AP1B1: variants seen among roughly 807,000 people sequenced by gnomAD.
The protein encoded by AP1B1 is AP-1 complex subunit beta-1.
A neutral mutation model predicts 104.3 loss-of-function variants in AP1B1; 36 were observed. The observed-to-expected ratio is 0.35, with a 90% CI of 0.26 to 0.46. The LOEUF (loss-of-function observed/expected upper bound fraction) is 0.46. Among genes scored for constraint, AP1B1 ranks in the 20% least tolerant of loss-of-function variants. AP1B1 has a pLI of 1.00. For synonymous variants in AP1B1, 504 were observed against 517.5 expected (o/e 0.97, Z 0.35); for missense variants, 901 against 1,247.9 (o/e 0.72, Z 4.19).
intron 3 of AP1B1, among the ~76,000 whole-genome samples, chr22:29,361,561 C>A (rs1279367246): frequency 2.6e-5 from 4 of 152,124 alleles, no homozygotes; most frequent in Non-Finnish European, 5.9e-5. Flanking sequence ...ACTGAGAAAA[C>A]AAATCTCAAA....
In AP1B1 at chr22:29,339,775, C is replaced by A; in HGVS notation, c.1999-1G>T. 6.2e-7 allele frequency: 1 copy of A among 1,607,920 alleles called. No homozygotes were observed. The highest frequency in any genetic ancestry group is 1.1e-5 in the South Asian group (1 of 89,976). On this transcript the variant is annotated splice_acceptor_variant, in intron 14 of 22. Transcript: ENST00000357586. LOFTEE classifies it high-confidence loss of function. ...ATACCCCTTCAGGCTCATCCCCCATCTCCAAGCAGAAGCAGGCAGGTGAAG... is the reference window on the plus strand; with the variant it reads ...ATACCCCTTCAGGCTCATCCCCCATATCCAAGCAGAAGCAGGCAGGTGAAG...
chr22:29,355,484 T>G lies in AP1B1; in HGVS notation c.717-613A>C, dbSNP rs182103040. Among the ~76,000 whole-genome samples the G allele has an allele frequency of 2.3e-3, 349 of 152,042 alleles. 2 individuals are homozygous for G. The highest frequency in any genetic ancestry group is 3.6e-3 in the Non-Finnish European group (248 of 67,952). On this transcript the variant is annotated intron_variant, in intron 6 of 22. Coordinates refer to ENST00000357586, the MANE Select transcript of AP1B1 (RefSeq NM_001127.4). ...ATAAACAAACAAACAAACAAACATG[T>G]TTTTTGTAGGAGAAAGATCTAAATC... is the stretch of plus-strand genomic sequence containing the variant.
At chr22:29,341,816 G>A in intron 12 of AP1B1, 56 bp from the exon 13 acceptor site, 1 of 1,551,754 alleles carries the variant, frequency 6.4e-7, no homozygotes, top group Non-Finnish European at 8.7e-7. Context: ...GAGAAGGGAG[G>A]AGACCTTCCT....
rs371081410 is a variant in AP1B1, at chr22:29,340,814, G to A, written c.1840C>T (p.Pro614Ser). 7.3e-5 allele frequency: 117 copies of A among 1,600,210 alleles called. No homozygotes were observed. Among genetic ancestry groups the A allele is most frequent in the Admixed American group, 1.2e-4 (7 of 57,246 alleles). The change falls in exon 14 of 23, where the codon CCT becomes TCT. Residue 614 changes from proline (P) to serine (S), a missense_variant. By Grantham distance (74) the Pro-to-Ser change is moderately conservative. Coordinates refer to ENST00000357586, the MANE Select transcript of AP1B1 (RefSeq NM_001127.4). ...ATGACATCTGGCTGCTCCCCAGGAG[G>A]TGCTCCAGTAGGGGCTGTCTCAGGG... is the stretch of plus-strand genomic sequence containing the variant. ...ESPETAPTGA[P>S]PGEQPDVIPA... is the part of the protein sequence containing the mutation.
intron 1 of AP1B1, among the ~76,000 whole-genome samples, chr22:29,371,668 C>T (rs2062240324): frequency 6.6e-6 from 1 of 151,854 alleles, no homozygotes; most frequent in African/African-American, 2.4e-5. Flanking sequence ...GCGGAGCTTG[C>T]AGTGAGCAGA....
chr22:29,377,100 G>A (rs2062355947), intron 1 of AP1B1, among the ~76,000 whole-genome samples: 1 of 151,406 alleles, frequency 6.6e-6, no homozygotes, highest in African/African-American at 2.4e-5. Context: ...GGAGGCTGAG[G>A]TGGAAGAATC....
rs753074894 is a variant in AP1B1 at position 29,359,953 on chromosome 22, G to C, written c.150C>G (p.Leu50=). 1.2e-6 allele frequency: 2 copies of C among 1,612,586 alleles called. No individual in the cohort carries two copies. The highest frequency in any genetic ancestry group is 3.3e-5 in the Admixed American group (2 of 59,850). Reference sequence around the variant, plus strand: ...GCATGCAGTTGACCACATCGGGGAAGAGGGCACTGGAAGGTCAAAATGGTG... The same window carrying C: ...GCATGCAGTTGACCACATCGGGGAACAGGGCACTGGAAGGTCAAAATGGTG... ...SMTVGKDVSA[L]FPDVVNCMQT... Residue 50 remains leucine (L), a synonymous_variant, in exon 4 of 23, where the codon CTC becomes CTG. Transcript: ENST00000357586.
At chr22:29,356,693 C>G (rs1222328505) in intron 5 of AP1B1, 77 bp from the exon 6 acceptor site, 1 of 1,390,074 alleles carries the variant, frequency 7.2e-7, no homozygotes, top group Non-Finnish European at 1.0e-6. Flanking sequence ...ATGATGCTGG[C>G]TGGTCAGAGG....
In AP1B1 at chr22:29,328,923, A is replaced by G. The variant is rs748601035; in HGVS notation, c.2776-28T>C. The G allele has an allele frequency of 6.3e-7, 1 of 1,597,192 alleles. No homozygotes were observed. Among genetic ancestry groups the G allele is most frequent in the East Asian group, 2.3e-5 (1 of 44,318 alleles). ...GCAGGGGAGAGAGGGGTCGGGGGAA[A>G]GAGCGCTCATCCCTGGGGTTCCTCT... On this transcript the variant is annotated intron_variant, in intron 22 of 22. Transcript: ENST00000357586. This position sits in a 1 kb window ranked among gnomAD's most constrained non-coding sequence, Gnocchi z 4.1.
intron 6 of AP1B1, among the ~76,000 whole-genome samples, chr22:29,356,128 A>G (rs758183951): frequency 2.6e-5 from 4 of 152,246 alleles, no homozygotes; most frequent in Admixed American, 6.5e-5. Context: ...GTGAGAATTC[A>G]ATGAGCAGTG....
At chr22:29,333,585 G>C (rs2147937125) in intron 17 of AP1B1, among the ~76,000 whole-genome samples, 1 of 152,276 alleles carries the variant, frequency 6.6e-6, no homozygotes, top group East Asian at 1.9e-4. Flanking sequence ...GTGGTGGCGT[G>C]CACCTGTAGT....
At chr22:29,332,636 C>T (rs1334003888) in intron 17 of AP1B1, among the ~76,000 whole-genome samples, 1 of 152,226 alleles carries the variant, frequency 6.6e-6, no homozygotes, top group Non-Finnish European at 1.5e-5. Flanking sequence ...ACACCTCTTC[C>T]TATCCTCTAG....
Position 29,340,742 on chromosome 22 carries a change from C to T in AP1B1, c.1912G>A (p.Gly638Ser), listed in dbSNP as rs377633401. 1.8e-5 allele frequency: 28 copies of T among 1,596,098 alleles called. No homozygotes were observed. The highest frequency in any genetic ancestry group is 1.7e-4 in the Middle Eastern group (1 of 6,060). Residue 638 changes from glycine to serine, a missense_variant, in exon 14 of 23, where the codon GGC (glycine) becomes AGC (serine). This residue lies in a region of AP1B1 where 424 missense variants were observed against 494.0 expected (regional missense o/e 0.86). Coordinates refer to ENST00000357586, the MANE Select transcript of AP1B1 (RefSeq NM_001127.4). ...LLGDLLNLDL[G>S]PPVSGPPLAT... is the part of the protein sequence containing the mutation. The stretch of plus-strand genomic sequence containing the variant: ...AGGGGTGGGCCGCTCACTGGGGGGC[C>T]GAGGTCCAGGTTGAGGAGGTCACCC...
chr22:29,329,462 G>C, intron 22 of AP1B1: 2 of 1,374,778 alleles, frequency 1.5e-6, no homozygotes, highest in Non-Finnish European at 1.9e-6. Context: ...TTAGGAAGTG[G>C]GAACAATGGA....
intron 1 of AP1B1, among the ~76,000 whole-genome samples, chr22:29,383,207 C>A (rs530418180): frequency 1.3e-5 from 2 of 152,268 alleles, no homozygotes; most frequent in East Asian, 1.9e-4. Context: ...CAGCCAGCCA[C>A]CCAATACTCG....
intron 4 of AP1B1, 22 bp downstream of exon 4, chr22:29,359,802 C>A (rs148361764): frequency 1.6e-5 from 26 of 1,605,654 alleles, no homozygotes; most frequent in Admixed American, 3.4e-5. Flanking sequence ...AATGTCCCCA[C>A]GCCCACCAAG....
At chr22:29,337,079 T>G (rs2061649120) in intron 16 of AP1B1, among the ~76,000 whole-genome samples, 1 of 152,212 alleles carries the variant, frequency 6.6e-6, no homozygotes, top group Non-Finnish European at 1.5e-5. Flanking sequence ...CGATTCTACG[T>G]TCCCGTGGCC....
intron 16 of AP1B1, among the ~76,000 whole-genome samples, chr22:29,335,318 G>A (rs563762478): frequency 2.6e-5 from 4 of 152,108 alleles, no homozygotes; most frequent in Non-Finnish European, 5.9e-5. Context: ...AGACCCCACC[G>A]ACAGCTTCCG....
intron 14 of AP1B1, 101 bp downstream of exon 14, chr22:29,340,555 G>T: frequency 8.2e-7 from 1 of 1,226,012 alleles, no homozygotes; most frequent in Non-Finnish European, 1.1e-6. Flanking sequence ...TCTATATAAT[G>T]TACCTGAGGC....
Sources: gnomAD v4.1 joint callset for allele counts (sites outside exome capture counted in the v4.1 genomes callset) on GRCh38, gnomAD v4.1.1 for gene constraint, gnomAD v4.1.1 regional missense constraint, Gnocchi (gnomAD v3.1) non-coding constraint, MANE v1.5 for transcripts, NCBI Gene and HGNC (gene_info 2026-07-23, HGNC 2026-07-21) for gene names.